Variants in USP8 observed in about 807,000 individuals in gnomAD.
The protein encoded by USP8 is ubiquitin carboxyl-terminal hydrolase 8.
USP8 carries 27 observed loss-of-function variants against 130.0 expected under a neutral mutation model. That is an observed-to-expected ratio of 0.21 (90% CI 0.15 to 0.29). The LOEUF (loss-of-function observed/expected upper bound fraction) is 0.29, where lower values mean the gene tolerates loss of function less well. Ranked by LOEUF, USP8 falls within the 10% of genes least tolerant of loss-of-function variation. The pLI is 1.00. For synonymous variants in USP8, 392 were observed against 444.1 expected (o/e 0.88, Z 1.48); for missense variants, 1,029 against 1,312.2 (o/e 0.78, Z 3.33).
intron 7 of USP8, 34 bp from the exon 8 acceptor site, chr15:50,471,599 C>T (rs377045960): frequency 3.7e-5 from 59 of 1,600,868 alleles, no homozygotes; most frequent in Non-Finnish European, 4.6e-5. Context: ...CTCTTGTTGA[C>T]TTTTGCCCCA....
intron 4 of USP8, among the ~76,000 whole-genome samples, chr15:50,455,665 T>TTTG (rs964102696): frequency 2.7e-4 from 41 of 151,922 alleles, no homozygotes; most frequent in Admixed American, 4.6e-4. Flanking sequence ...TCTGAATAGT[T>TTTG]TTGTTGTTGT....
intron 18 of USP8, 35 bp from the exon 19 acceptor site, chr15:50,498,561 C>G: frequency 6.4e-7 from 1 of 1,567,332 alleles, no homozygotes; most frequent in Non-Finnish European, 8.7e-7. Flanking sequence ...TGGTATCTTC[C>G]TCTGTCAGTG....
chr15:50,471,565 T>G lies in USP8; in HGVS notation c.687-68T>G, dbSNP rs142145187. ...GTAAAGACTGTGGAACAAAACTGAGTGTCTTCTGTTAGTATATTAGGACCT... is the reference window on the plus strand; with the variant it reads ...GTAAAGACTGTGGAACAAAACTGAGGGTCTTCTGTTAGTATATTAGGACCT... On this transcript the variant is annotated intron_variant, in intron 7 of 19. Transcript: ENST00000307179. The G allele has an allele frequency of 5.1e-3, 7,886 of 1,534,824 alleles. 28 individuals carry two copies. Among genetic ancestry groups the G allele is most frequent in the Non-Finnish European group, 6.4e-3 (7,249 of 1,137,976 alleles).
At position 50,424,407 on chromosome 15, in the gene USP8, G is replaced by A. The variant is rs1005743477; in HGVS notation, c.-173G>A. ...AATGCAAATCGGGAAAAGGGGGTGA[G>A]CTGGGCTGGCTTCCGTCCTGGTAGC... On this transcript the variant is annotated 5_prime_UTR_variant, in exon 1 of 20. Coordinates refer to ENST00000307179, the MANE Select transcript of USP8 (RefSeq NM_005154.5). 6 of 398,610 alleles carry A rather than the reference G, an allele frequency of 1.5e-5. No homozygotes were observed. Among genetic ancestry groups the A allele is most frequent in the African/African-American group, 1.2e-4 (6 of 48,666 alleles). 24.7% of individuals were successfully genotyped at this position (398,610 alleles called of 1,614,324 possible).
At chr15:50,457,893 GAAA>G (rs936019860) in intron 4 of USP8, among the ~76,000 whole-genome samples, 1 of 144,132 alleles carries the variant, frequency 6.9e-6, no homozygotes, top group Non-Finnish European at 1.5e-5. Context: ...AAAAAAAAAA[GAAA>G]AAAAGAGCAT....
chr15:50,469,281 A>C (rs988224169), intron 7 of USP8, among the ~76,000 whole-genome samples: 3 of 151,906 alleles, frequency 2.0e-5, no homozygotes, highest in Non-Finnish European at 4.4e-5. Flanking sequence ...TTAAGTAAAA[A>C]ATTATTTTTA....
At position 50,503,982 on chromosome 15, in the gene USP8, T is replaced by C. The variant is rs1008228748; in HGVS notation, c.*4894T>C. On this transcript the variant is annotated 3_prime_UTR_variant, in exon 20 of 20. Coordinates refer to ENST00000307179, the MANE Select transcript of USP8 (RefSeq NM_005154.5). ...ATATTTAGAAGAAGGAAACAAACTT[T>C]AGAAACTAAATAGAATTTTCAGAAA... The C allele has an allele frequency of 6.6e-6, 1 of 152,150 alleles. No individual in the cohort carries two copies. Among genetic ancestry groups the C allele is most frequent in the African/African-American group, 2.4e-5 (1 of 41,438 alleles). 9.4% of individuals were successfully genotyped at this position (152,150 alleles called of 1,614,324 possible). A position where few individuals can be genotyped will look rare whatever the true frequency, so the allele number is the denominator to read the frequency against.
rs189276214 is a variant in USP8, at chr15:50,473,386, G to T, written c.849+1591G>T. ...AAAAGTAAGTGCTTTGTAAATAGTTGTTATACCATATTGTTTGGAGAATAG... is the reference window on the plus strand; with the variant it reads ...AAAAGTAAGTGCTTTGTAAATAGTTTTTATACCATATTGTTTGGAGAATAG... On this transcript the variant is annotated intron_variant, in intron 8 of 19. Coordinates refer to ENST00000307179, the MANE Select transcript of USP8 (RefSeq NM_005154.5). Among the ~76,000 whole-genome samples, 498 of 152,230 alleles carry T rather than the reference G, an allele frequency of 3.3e-3. 1 individual carries two copies. The highest frequency in any genetic ancestry group is 5.8e-3 in the Non-Finnish European group (395 of 68,018).
At chr15:50,450,462 CTT>C (rs35800074) in intron 4 of USP8, among the ~76,000 whole-genome samples, 2,274 of 80,388 alleles carry the variant, frequency 0.028, 31 homozygotes, top group African/African-American at 0.084. Flanking sequence ...GTTAGTCATT[CTT>C]TTTTTTTTTT....
chr15:50,473,335 C>A (rs1039096406), intron 8 of USP8, among the ~76,000 whole-genome samples: 7 of 152,114 alleles, frequency 4.6e-5, no homozygotes, highest in African/African-American at 1.7e-4. Flanking sequence ...TTTAAATCTT[C>A]TGTAGATTCC....
chr15:50,496,789 A>G, intron 17 of USP8: 2 of 229,060 alleles, frequency 8.7e-6, no homozygotes, highest in Non-Finnish European at 8.4e-6. Context: ...TGATACCTTT[A>G]GTCTTAAAGT....
At chr15:50,433,324 G>A (rs1034740966) in intron 1 of USP8, among the ~76,000 whole-genome samples, 1 of 152,164 alleles carries the variant, frequency 6.6e-6, no homozygotes, top group African/African-American at 2.4e-5. Flanking sequence ...ATTTAAGACA[G>A]CGAGAAGATA....
At position 50,495,883 on chromosome 15, in the gene USP8, T is replaced by G. The variant is rs762357165; in HGVS notation, c.2694T>G (p.Asn898Lys). 1 of 1,613,856 alleles carries G rather than the reference T, an allele frequency of 6.2e-7. No homozygotes were observed. Among genetic ancestry groups the G allele is most frequent in the South Asian group, 1.1e-5 (1 of 91,052 alleles). Residue 898 changes from asparagine to lysine, a missense_variant, in exon 17 of 20, where the codon AAT becomes AAG. Transcript: ENST00000307179. ...DNRKRYKEEN[N>K]DHLDDFKAAE... ...GGAAGAGATATAAAGAAGAAAATAA[T>G]GATCATCTCGATGACTTTAAAGCTG...
chr15:50,459,240 A>T (rs2050898514), intron 5 of USP8, 78 bp downstream of exon 5: 49 of 1,499,790 alleles, frequency 3.3e-5, no homozygotes, highest in Non-Finnish European at 4.4e-5. Context: ...TTGAGATACC[A>T]CTATAAAGTT....
At chr15:50,497,002 C>T in intron 17 of USP8, 87 bp from the exon 18 acceptor site, 1 of 1,479,792 alleles carries the variant, frequency 6.8e-7, no homozygotes, top group Non-Finnish European at 9.0e-7. Flanking sequence ...TCACTGGTGC[C>T]TGCAGAGTGA....
At chr15:50,488,910 G>A (rs1004659160) in intron 12 of USP8, among the ~76,000 whole-genome samples, 37 of 151,716 alleles carry the variant, frequency 2.4e-4, no homozygotes, top group African/African-American at 9.0e-4. Flanking sequence ...TATAGAGACG[G>A]GGTCTGTGTT....
rs35800074 is a variant in USP8 at position 50,450,462 on chromosome 15, CTTTTTTTT to C, written c.335+994_335+1001del. ...TTTCAGTTTTTAGTCGTTAGTCATT[CTTTTTTTT>C]TTTTTTTTTTTTTTTTGGAGACGGA... On this transcript the variant is annotated intron_variant, in intron 4 of 19. Coordinates refer to ENST00000307179, the MANE Select transcript of USP8 (RefSeq NM_005154.5). Among the ~76,000 whole-genome samples the C allele has an allele frequency of 9.8e-3, 785 of 80,496 alleles. 14 individuals are homozygous for C. Among genetic ancestry groups the C allele is most frequent in the African/African-American group, 0.033 (748 of 22,376 alleles). The allele number at this position is 80,496 out of a possible 152,430, so 52.8% of individuals were successfully genotyped here. A position where few individuals can be genotyped will look rare whatever the true frequency, so the allele number is the denominator to read the frequency against.
chr15:50,446,751 A>C (rs1444456959), intron 3 of USP8, among the ~76,000 whole-genome samples: 1 of 152,230 alleles, frequency 6.6e-6, no homozygotes, highest in Non-Finnish European at 1.5e-5. Flanking sequence ...GGCTAGATAG[A>C]CATATGATAA....
intron 12 of USP8, among the ~76,000 whole-genome samples, chr15:50,487,184 T>C (rs1174190572): frequency 4.0e-5 from 6 of 150,750 alleles, no homozygotes; most frequent in African/African-American, 9.7e-5. Context: ...CAATAACCTA[T>C]GGAAAAATAA....
Sources: gnomAD v4.1 joint callset for allele counts (sites outside exome capture counted in the v4.1 genomes callset) on GRCh38, gnomAD v4.1.1 for gene constraint, MANE v1.5 for transcripts, NCBI Gene and HGNC (gene_info 2026-07-23, HGNC 2026-07-21) for gene names.